TMEM94: variants seen among roughly 807,000 people sequenced by gnomAD.
The protein encoded by TMEM94 is transmembrane protein 94.
A neutral mutation model predicts 158.6 loss-of-function variants in TMEM94; 81 were observed. The observed-to-expected ratio is 0.51, with a 90% CI of 0.43 to 0.61. TMEM94 has a LOEUF of 0.61. Ranked by LOEUF, TMEM94 falls within the 20% of genes least tolerant of loss-of-function variation. TMEM94 has a pLI of 0.00. For synonymous variants in TMEM94, 751 were observed against 730.7 expected (o/e 1.03, Z -0.45); for missense variants, 1,435 against 1,762.0 (o/e 0.81, Z 3.32).
At chr17:75,488,626 C>T in intron 6 of TMEM94, 133 bp from the exon 7 acceptor site, 1 of 1,025,190 alleles carries the variant, frequency 9.8e-7, no homozygotes, top group South Asian at 1.5e-5. Flanking sequence ...GTCCCACAGG[C>T]CCTGTCCCAG....
At chr17:75,476,900 G>C (rs2146317037) in intron 2 of TMEM94, among the ~76,000 whole-genome samples, 1 of 152,342 alleles carries the variant, frequency 6.6e-6, no homozygotes. Flanking sequence ...ACCTGGGAAG[G>C]GGATTGGGAA....
intron 6 of TMEM94, 53 bp downstream of exon 6, chr17:75,488,187 C>G: frequency 1.9e-6 from 3 of 1,564,994 alleles, no homozygotes; most frequent in Middle Eastern, 3.4e-4. Context: ...CATCCACAGG[C>G]AACGATGGGA....
At chr17:75,475,728 G>A (rs890668626) in intron 2 of TMEM94, among the ~76,000 whole-genome samples, 1 of 42,080 alleles carries the variant, frequency 2.4e-5, no homozygotes, top group Non-Finnish European at 5.4e-5. Context: ...TTCCCGGGCA[G>A]CCTCATGGGC....
chr17:75,499,014 G>T lies in TMEM94; in HGVS notation c.3930G>T (p.Trp1310Cys). The part of the protein sequence containing the change: ...FGLEDVPLLT[W>C]LLGCLSLVLV... ...TGGAGGACGTGCCCCTGCTGACATG[G>T]CTCCTGGGCTGCCTGTCCCTGGTCC... is the stretch of plus-strand genomic sequence containing the variant. The change falls in exon 31 of 32, where the codon TGG becomes TGT. Residue 1310 changes from tryptophan to cysteine, a missense_variant. Physicochemically the swap from Trp to Cys is radical, Grantham distance 215. Around this residue, in one of 3 missense-constraint regions of TMEM94, gnomAD observed 335 missense variants for 409.1 expected, o/e 0.82. Transcript: ENST00000314256. 6.2e-7 allele frequency: 1 copy of T among 1,603,814 alleles called. No individual in the cohort carries two copies.
At chr17:75,465,110 G>A (rs2146112324) in intron 1 of TMEM94, among the ~76,000 whole-genome samples, 1 of 151,938 alleles carries the variant, frequency 6.6e-6, no homozygotes, top group South Asian at 2.1e-4. Context: ...AGATCCTCCT[G>A]CGTCAGCCAT....
intron 2 of TMEM94, among the ~76,000 whole-genome samples, chr17:75,480,726 C>T (rs570779020): frequency 1.3e-5 from 2 of 152,238 alleles, no homozygotes; most frequent in Non-Finnish European, 2.9e-5. Flanking sequence ...GTGTGGTCCT[C>T]ATTCTAGGCC....
intron 1 of TMEM94, among the ~76,000 whole-genome samples, chr17:75,463,356 T>C (rs1187654804): frequency 6.6e-6 from 1 of 151,324 alleles, no homozygotes; most frequent in Admixed American, 6.6e-5. Flanking sequence ...CCAAAGTGTG[T>C]TTTTAGGGTA....
intron 11 of TMEM94, 22 bp downstream of exon 11, chr17:75,490,780 G>C: frequency 9.3e-6 from 15 of 1,607,936 alleles, no homozygotes; most frequent in Non-Finnish European, 1.0e-5. Context: ...ACCCGGGATG[G>C]CTTCTCTCGC....
chr17:75,472,801 A>G (rs1346948844), intron 2 of TMEM94, among the ~76,000 whole-genome samples: 2 of 152,276 alleles, frequency 1.3e-5, no homozygotes, highest in South Asian at 2.1e-4. Flanking sequence ...CTTTGACTTT[A>G]GCACTAGTTA....
rs2052589297 is a variant in TMEM94 at position 75,495,458 on chromosome 17, G to T, written c.2844+59G>T. 6.3e-7 allele frequency: 1 copy of T among 1,585,436 alleles called. No homozygotes were observed. The highest frequency in any genetic ancestry group is 1.1e-5 in the South Asian group (1 of 90,330). ...TAGTGGTCCCATAGCTGGTCCAGGG[G>T]AGAGGTAGAGAGGTGGTGGGCAGGC... On this transcript the variant is annotated intron_variant, in intron 21 of 31. Transcript: ENST00000314256. The surrounding 1 kb of genome is among the most constrained non-coding windows in gnomAD (Gnocchi z 5.6).
In TMEM94 at chr17:75,488,473, G is replaced by C. The variant is rs931697305; in HGVS notation, c.613-286G>C. Among the ~76,000 whole-genome samples the C allele has an allele frequency of 4.6e-5, 7 of 152,296 alleles. 1 individual carries two copies. The highest frequency in any genetic ancestry group is 4.6e-4 in the Admixed American group (7 of 15,294). ...ATTTTTTATTTTTTGGTAGAGATGG[G>C]GTTTCGGCATGTTGGCCAGGCTGGT... On this transcript the variant is annotated intron_variant, in intron 6 of 31. Coordinates refer to ENST00000314256, the MANE Select transcript of TMEM94 (RefSeq NM_014738.6).
Position 75,490,687 on chromosome 17 carries a change from C to T in TMEM94, c.1072-15C>T, listed in dbSNP as rs779539949. 3 of 1,613,546 alleles carry T rather than the reference C, an allele frequency of 1.9e-6. No homozygotes were observed. The highest frequency in any genetic ancestry group is 2.2e-5 in the South Asian group (2 of 91,038). ...GCGTTTTCCTCACTGAGGACCTCACCCTCTCTCCGTGCAGCTGGCTAAGTT... is the reference window on the plus strand; with the variant it reads ...GCGTTTTCCTCACTGAGGACCTCACTCTCTCTCCGTGCAGCTGGCTAAGTT... On this transcript the variant is annotated splice_polypyrimidine_tract_variant and intron_variant, in intron 10 of 31. Coordinates refer to ENST00000314256, the MANE Select transcript of TMEM94 (RefSeq NM_014738.6).
chr17:75,493,391 G>A, intron 16 of TMEM94, 100 bp from the exon 17 acceptor site: 1 of 1,215,172 alleles, frequency 8.2e-7, no homozygotes. Context: ...CTCTGGCAGG[G>A]GCTCCTCAGC....
intron 1 of TMEM94, among the ~76,000 whole-genome samples, chr17:75,471,093 C>G (rs143661327): frequency 6.6e-6 from 1 of 150,842 alleles, no homozygotes. Flanking sequence ...AAAAATTAGC[C>G]GGGCGTGGTG....
At chr17:75,465,679 A>ATATATTTT (rs1247855961) in intron 1 of TMEM94, among the ~76,000 whole-genome samples, 1 of 124,822 alleles carries the variant, frequency 8.0e-6, no homozygotes, top group Non-Finnish European at 1.6e-5. Flanking sequence ...ATATATATAT[A>ATATATTTT]TTTTTTTTTA....
chr17:75,483,025 TG>T (rs1183988842), intron 2 of TMEM94, among the ~76,000 whole-genome samples: 4 of 152,180 alleles, frequency 2.6e-5, no homozygotes, highest in Non-Finnish European at 4.4e-5. Context: ...CCCTGGGTTT[TG>T]GGAAAATGTC....
chr17:75,476,597 C>A, intron 2 of TMEM94: 1 of 1,513,246 alleles, frequency 6.6e-7, no homozygotes, highest in Admixed American at 2.1e-5. Flanking sequence ...TCTCTTCTCT[C>A]CTCTTCTCTC....
Position 75,486,292 on chromosome 17 carries a change from G to C in TMEM94, c.275G>C (p.Arg92Pro). The C allele has an allele frequency of 6.2e-7, 1 of 1,614,080 alleles. No homozygotes were observed. Among genetic ancestry groups the C allele is most frequent in the Non-Finnish European group, 8.5e-7 (1 of 1,179,956 alleles). Reference protein sequence around the residue: ...GCCGGQPAGSRGVGLVNASAL... With the variant: ...GCCGGQPAGSPGVGLVNASAL... ...CGGCCTCTCTTTCCTCCCACCAGCC[G>C]TGGGGTGGGGCTGGTGAATGCCTCG... Residue 92 changes from arginine (R) to proline (P), a missense_variant and splice_region_variant, in exon 5 of 32, where the codon CGT becomes CCT. By Grantham distance (103) the Arg-to-Pro change is moderately radical. This residue lies in a region of TMEM94 where 1,051 missense variants were observed against 1,254.4 expected (regional missense o/e 0.84). Coordinates refer to ENST00000314256, the MANE Select transcript of TMEM94 (RefSeq NM_014738.6).
chr17:75,491,461 G>A lies in TMEM94; in HGVS notation c.1386+6G>A, dbSNP rs1257516980. ...GCTCCTTCTGCCATCCCGAGGTAGAGGAGGAGGTACGGCCGGCTCCCATGG... is the reference window on the plus strand; with the variant it reads ...GCTCCTTCTGCCATCCCGAGGTAGAAGAGGAGGTACGGCCGGCTCCCATGG... On this transcript the variant is annotated splice_donor_region_variant and intron_variant, in intron 13 of 31. Transcript: ENST00000314256. The surrounding 1 kb of genome is among the most constrained non-coding windows in gnomAD (Gnocchi z 5.1). The A allele has an allele frequency of 6.2e-7, 1 of 1,614,032 alleles. No homozygotes were observed. Among genetic ancestry groups the A allele is most frequent in the East Asian group, 2.2e-5 (1 of 44,892 alleles).
Sources: allele counts gnomAD v4.1 joint callset (sites outside exome capture counted in the v4.1 genomes callset), GRCh38; gene constraint gnomAD v4.1.1; regional missense constraint gnomAD v4.1.1; non-coding constraint Gnocchi (gnomAD v3.1); transcripts MANE v1.5; gene names NCBI Gene and HGNC (gene_info 2026-07-23, HGNC 2026-07-21).